NCAM1: variants seen among roughly 807,000 people sequenced by gnomAD.
The protein encoded by NCAM1 is antigen recognized by monoclonal antibody 5.1H11.
A neutral mutation model predicts 109.8 loss-of-function variants in NCAM1; 14 were observed. That is an observed-to-expected ratio of 0.13 (90% CI 0.08 to 0.20). NCAM1 has a LOEUF of 0.20. Among genes scored for constraint, NCAM1 ranks in the 10% least tolerant of loss-of-function variants. The pLI, the probability that NCAM1 is intolerant of heterozygous loss-of-function variation, is 1.00. For missense variants in NCAM1, 774 were observed against 1,109.9 expected (o/e 0.70, Z 4.30); for synonymous variants, 418 against 442.9 (o/e 0.94, Z 0.70).
At chr11:113,131,964 T>C (rs1941405582) in intron 1 of NCAM1, among the ~76,000 whole-genome samples, 1 of 152,208 alleles carries the variant, frequency 6.6e-6, no homozygotes, top group Admixed American at 6.5e-5. Flanking sequence ...GAAGTCCGTC[T>C]GGAGCTAGGT....
At chr11:113,202,495 G>C (rs370251266) in intron 2 of NCAM1, 42 bp downstream of exon 2, 417 of 1,556,342 alleles carry the variant, frequency 2.7e-4, no homozygotes, top group Non-Finnish European at 3.4e-4. Context: ...ACTTGCTTCA[G>C]AAACTCACTG....
At chr11:113,022,721 G>A (rs1952427630) in intron 1 of NCAM1, among the ~76,000 whole-genome samples, 1 of 152,012 alleles carries the variant, frequency 6.6e-6, no homozygotes, top group Non-Finnish European at 1.5e-5. Flanking sequence ...CAGGTACGTA[G>A]GTAGGTAGGT....
chr11:113,152,817 A>C (rs1220342816), intron 1 of NCAM1, among the ~76,000 whole-genome samples: 1 of 152,236 alleles, frequency 6.6e-6, no homozygotes, highest in East Asian at 1.9e-4. Flanking sequence ...GAAATTCTAG[A>C]GGTCTTTGCA....
At chr11:113,228,821 A>G (rs1460856861) in intron 9 of NCAM1, among the ~76,000 whole-genome samples, 1 of 152,226 alleles carries the variant, frequency 6.6e-6, no homozygotes, top group African/African-American at 2.4e-5. Flanking sequence ...TGACAAAAAC[A>G]AGCAATGGGG....
chr11:112,968,146 T>C (rs930144506), intron 1 of NCAM1, among the ~76,000 whole-genome samples: 16 of 152,218 alleles, frequency 1.1e-4, no homozygotes, highest in Admixed American at 6.5e-5. Context: ...AGAGGTTGTA[T>C]GTGTAGTGCT....
At chr11:113,223,591 C>A (rs1555115693) in intron 9 of NCAM1, among the ~76,000 whole-genome samples, 1 of 152,208 alleles carries the variant, frequency 6.6e-6, no homozygotes, top group African/African-American at 2.4e-5. Context: ...ACATTCATTT[C>A]TCTGCCTCTT....
intron 1 of NCAM1, among the ~76,000 whole-genome samples, chr11:113,190,208 G>C (rs375921388): frequency 2.6e-5 from 4 of 152,228 alleles, no homozygotes; most frequent in Non-Finnish European, 5.9e-5. Flanking sequence ...CAAGGTAGAA[G>C]TACGAAGAAT....
intron 1 of NCAM1, among the ~76,000 whole-genome samples, chr11:113,183,743 C>T (rs1213629733): frequency 2.7e-5 from 4 of 149,786 alleles, no homozygotes; most frequent in Non-Finnish European, 5.9e-5. Context: ...TTCATAATAC[C>T]AACCACTTGG....
chr11:113,194,085 A>G (rs1555110376), intron 1 of NCAM1, among the ~76,000 whole-genome samples: 1 of 152,214 alleles, frequency 6.6e-6, no homozygotes, highest in Non-Finnish European at 1.5e-5. Flanking sequence ...GTCCCCAATT[A>G]TGCCGGATTC....
At chr11:113,024,263 T>G (rs965650527) in intron 1 of NCAM1, among the ~76,000 whole-genome samples, 2 of 152,218 alleles carry the variant, frequency 1.3e-5, no homozygotes, top group Admixed American at 6.5e-5. Flanking sequence ...GGGTAATTTG[T>G]GATCTACTGC....
chr11:113,025,501 GTGAATGAATGAA>G (rs556680483), intron 1 of NCAM1, among the ~76,000 whole-genome samples: 1 of 152,026 alleles, frequency 6.6e-6, no homozygotes, highest in East Asian at 1.9e-4. Flanking sequence ...ACGTAAAAGA[GTGAATGAATGAA>G]TGAATGAATG....
In NCAM1 at chr11:113,102,410, T is replaced by G. The variant is rs141044368; in HGVS notation, c.53-99969T>G. 1.8e-4 allele frequency among the ~76,000 whole-genome samples: 28 copies of G among 152,302 alleles called. 1 individual carries two copies. The East Asian group carries it at 5.4e-3, about 29-fold the overall frequency. ...TCCATAGGAAACTTGAAATCAAATT[T>G]GCTGCAGACAGTGAGGTGAGGGTTG... On this transcript the variant is annotated intron_variant, in intron 1 of 19. Transcript: ENST00000316851.
rs573376444 is a variant in NCAM1, at chr11:113,176,615, C to G, written c.53-25764C>G. Among the ~76,000 whole-genome samples the G allele has an allele frequency of 2.4e-4, 36 of 152,336 alleles. No homozygotes were observed. The South Asian group carries it at 5.4e-3, about 23-fold the overall frequency. ...TAGCCTGGGAAGAATAAACACAAAACACTCCATGGTTTTCAAAGGAGGTGT... is the reference window on the plus strand; with the variant it reads ...TAGCCTGGGAAGAATAAACACAAAAGACTCCATGGTTTTCAAAGGAGGTGT... On this transcript the variant is annotated intron_variant, in intron 1 of 19. Coordinates refer to ENST00000316851, the MANE Select transcript of NCAM1 (RefSeq NM_181351.5).
At chr11:113,112,652 A>T (rs1940496220) in intron 1 of NCAM1, among the ~76,000 whole-genome samples, 2 of 152,352 alleles carry the variant, frequency 1.3e-5, no homozygotes, top group Admixed American at 6.5e-5. Context: ...AGATCTCTCC[A>T]CAGCAAACAT....
At chr11:112,983,773 T>C (rs1289926493) in intron 1 of NCAM1, among the ~76,000 whole-genome samples, 2 of 152,052 alleles carry the variant, frequency 1.3e-5, no homozygotes, top group African/African-American at 2.4e-5. Context: ...ACTTTTTTAA[T>C]ATTTAAGGTG....
At chr11:113,112,035 G>A (rs1173357861) in intron 1 of NCAM1, among the ~76,000 whole-genome samples, 3 of 152,168 alleles carry the variant, frequency 2.0e-5, no homozygotes, top group African/African-American at 7.2e-5. Context: ...AATAATGAAG[G>A]TGGTCGGTTG....
At chr11:113,073,086 A>T (rs1030814) in intron 1 of NCAM1, among the ~76,000 whole-genome samples, 125,799 of 151,724 alleles carry the variant, frequency 0.83, 52,492 homozygotes, top group African/African-American at 0.93. Flanking sequence ...AAATATCTCA[A>T]AGAAGTGGAA....
At chr11:113,165,161 C>T (rs936334197) in intron 1 of NCAM1, among the ~76,000 whole-genome samples, 4 of 152,146 alleles carry the variant, frequency 2.6e-5, no homozygotes, top group African/African-American at 9.7e-5. Flanking sequence ...TGTGAAGTAG[C>T]CTGTGGCATT....
chr11:113,127,256 C>G (rs934317498), intron 1 of NCAM1, among the ~76,000 whole-genome samples: 1 of 152,134 alleles, frequency 6.6e-6, no homozygotes, highest in East Asian at 1.9e-4. Flanking sequence ...CCAGGTAATT[C>G]TTTTGGACAG....
Sources: allele counts gnomAD v4.1 joint callset (sites outside exome capture counted in the v4.1 genomes callset), GRCh38; gene constraint gnomAD v4.1.1; transcripts MANE v1.5; gene names NCBI Gene and HGNC (gene_info 2026-07-23, HGNC 2026-07-21).